DENND5A: variants seen among roughly 807,000 people sequenced by gnomAD.
DENND5A encodes DENN domain containing 5A, also known as DENN domain-containing protein 5A.
Under a neutral mutation model 140.3 loss-of-function variants are expected in DENND5A, and 64 were observed. The observed-to-expected ratio is 0.46, with a 90% CI of 0.37 to 0.56. DENND5A has a LOEUF of 0.56. Ranked by LOEUF, DENND5A falls within the 20% of genes least tolerant of loss-of-function variation. The probability of loss-of-function intolerance (pLI) is 0.00; values close to 1 mark genes in which losing one functional copy is unlikely to be tolerated. For missense variants in DENND5A, 1,292 were observed against 1,593.8 expected (o/e 0.81, Z 3.22); for synonymous variants, 605 against 607.7 (o/e 1.00, Z 0.07).
chr11:9,149,942 T>C, intron 15 of DENND5A, 139 bp downstream of exon 15: 2 of 1,211,520 alleles, frequency 1.7e-6, no homozygotes, highest in Non-Finnish European at 2.2e-6. Flanking sequence ...GAGGAAATAC[T>C]GCAAAACCTT....
intron 15 of DENND5A, among the ~76,000 whole-genome samples, chr11:9,147,595 AGC>A (rs1847476201): frequency 1.3e-5 from 2 of 152,232 alleles, no homozygotes; most frequent in South Asian, 4.1e-4. Flanking sequence ...TAGATCTGAG[AGC>A]CACAAGTCAG....
chr11:9,220,535 G>A (rs891878408), intron 1 of DENND5A, among the ~76,000 whole-genome samples: 2 of 151,636 alleles, frequency 1.3e-5, no homozygotes, highest in Admixed American at 6.6e-5. Flanking sequence ...CAACAAGAGC[G>A]AAACTCTGTC....
At chr11:9,146,751 C>T (rs1564880621) in intron 16 of DENND5A, 2 of 295,654 alleles carry the variant, frequency 6.8e-6, no homozygotes, top group Non-Finnish European at 6.3e-6. Context: ...CTCCACTCCA[C>T]CTTCATCAGC....
At chr11:9,237,258 A>C (rs1471457776) in intron 1 of DENND5A, among the ~76,000 whole-genome samples, 1 of 152,162 alleles carries the variant, frequency 6.6e-6, no homozygotes, top group African/African-American at 2.4e-5. Context: ...CTCTACTAAA[A>C]ATACAAAAAA....
intron 10 of DENND5A, among the ~76,000 whole-genome samples, chr11:9,167,423 C>T (rs1353856966): frequency 6.7e-6 from 1 of 150,122 alleles, no homozygotes; most frequent in Non-Finnish European, 1.5e-5. Flanking sequence ...TTAGATCCTG[C>T]CATGTCCTCT....
At chr11:9,185,819 G>A (rs1303386961) in intron 5 of DENND5A, among the ~76,000 whole-genome samples, 1 of 151,926 alleles carries the variant, frequency 6.6e-6, no homozygotes, top group Non-Finnish European at 1.5e-5. Flanking sequence ...GCCTCTGTGT[G>A]AGCTGTCTGT....
chr11:9,199,718 C>T (rs2136205511), intron 4 of DENND5A, among the ~76,000 whole-genome samples: 1 of 152,288 alleles, frequency 6.6e-6, no homozygotes. Context: ...TGTAACACCT[C>T]TTTTCTATTC....
chr11:9,195,795 T>C (rs1849303289), intron 4 of DENND5A, among the ~76,000 whole-genome samples: 1 of 152,106 alleles, frequency 6.6e-6, no homozygotes. Context: ...TAAATATGTA[T>C]CTATTTGGTC....
intron 8 of DENND5A, chr11:9,171,425 T>C (rs1338020841): frequency 6.6e-6 from 1 of 152,226 alleles, no homozygotes; most frequent in Non-Finnish European, 1.5e-5. Context: ...TAAAGGATGC[T>C]CTGGTCCTGC....
In DENND5A at chr11:9,170,652, G is replaced by A; in HGVS notation, c.2032C>T (p.Leu678Phe). 1 of 1,613,896 alleles carries A rather than the reference G, an allele frequency of 6.2e-7. No individual in the cohort carries two copies. Among genetic ancestry groups the A allele is most frequent in the Non-Finnish European group, 8.5e-7 (1 of 1,180,016 alleles). Residue 678 changes from leucine (L) to phenylalanine (F), a missense_variant, in exon 9 of 23, where the codon CTT becomes TTT. Around this residue, in one of 4 missense-constraint regions of DENND5A, gnomAD observed 199 missense variants for 189.1 expected, o/e 1.05. Transcript: ENST00000328194. ...TTGTTGCTGGCTGGCCCAGTGGAAA[G>A]TACATCAGACTGCAGCTTAGGGAAG... ...GFFPKLQSDV[L>F]STGPASNKWT...
intron 1 of DENND5A, among the ~76,000 whole-genome samples, chr11:9,237,292 C>T (rs376660350): frequency 3.5e-4 from 53 of 152,064 alleles, no homozygotes; most frequent in African/African-American, 1.1e-3. Context: ...TGGTGGCACA[C>T]GCCTGTAATC....
In DENND5A at chr11:9,164,056, GTTTTTTTTT is replaced by G. The variant is rs768604681; in HGVS notation, c.2283+1771_2283+1779del. Reference sequence around the variant, plus strand: ...ATATCAGTACTGATATATTAATCAGGTTTTTTTTTTTTTTTTTTTTTTTTTTTTTTTTTG... The same window carrying G: ...ATATCAGTACTGATATATTAATCAGGTTTTTTTTTTTTTTTTTTTTTTTTG... On this transcript the variant is annotated intron_variant, in intron 11 of 22. Coordinates refer to ENST00000328194, the MANE Select transcript of DENND5A (RefSeq NM_015213.4). Among the ~76,000 whole-genome samples the G allele has an allele frequency of 1.6e-3, 95 of 57,968 alleles. 3 individuals carry two copies. The highest frequency in any genetic ancestry group is 2.2e-3 in the African/African-American group (35 of 15,604). 38.0% of individuals were successfully genotyped at this position (57,968 alleles called of 152,430 possible). A position where few individuals can be genotyped will look rare whatever the true frequency, so the allele number is the denominator to read the frequency against.
intron 4 of DENND5A, among the ~76,000 whole-genome samples, chr11:9,197,230 G>A (rs540459798): frequency 4.6e-5 from 7 of 151,156 alleles, no homozygotes; most frequent in Admixed American, 1.3e-4. Context: ...GTTTGAACCC[G>A]GGAGGCAGAG....
intron 1 of DENND5A, among the ~76,000 whole-genome samples, chr11:9,230,385 T>C (rs1179501056): frequency 6.6e-6 from 1 of 151,492 alleles, no homozygotes; most frequent in Admixed American, 6.6e-5. Context: ...GGACTATAGG[T>C]ATGCTCCACC....
chr11:9,207,747 T>C (rs1415969146), intron 1 of DENND5A, 115 bp from the exon 2 acceptor site: 1 of 706,286 alleles, frequency 1.4e-6, no homozygotes, highest in African/African-American at 1.8e-5. Flanking sequence ...AACACATACA[T>C]GTATGTGTAT....
chr11:9,164,251 C>T (rs114278290), intron 11 of DENND5A, among the ~76,000 whole-genome samples: 6,110 of 116,118 alleles, frequency 0.053, 509 homozygotes, highest in African/African-American at 0.18. Context: ...TGAGGTTTTG[C>T]CATGTTGCTT....
intron 11 of DENND5A, among the ~76,000 whole-genome samples, chr11:9,161,509 C>T (rs1222295723): frequency 6.6e-6 from 1 of 152,238 alleles, no homozygotes; most frequent in Non-Finnish European, 1.5e-5. Flanking sequence ...ATTCCCACTG[C>T]TTAAATGACC....
chr11:9,195,145 C>T (rs1849279772), intron 4 of DENND5A, among the ~76,000 whole-genome samples: 1 of 146,326 alleles, frequency 6.8e-6, no homozygotes, highest in Non-Finnish European at 1.5e-5. Context: ...TGCAATGGCA[C>T]AATCTCAGCT....
Position 9,139,136 on chromosome 11 carries a change from A to G in DENND5A, c.*535T>C, listed in dbSNP as rs1847146465. ...CCTTCCCAAACAATACTGACAAAAA[A>G]GAAAATACGTGGGACTGACTCATCG... On this transcript the variant is annotated 3_prime_UTR_variant, in exon 23 of 23. Coordinates refer to ENST00000328194, the MANE Select transcript of DENND5A (RefSeq NM_015213.4). 6.5e-6 allele frequency: 1 copy of G among 152,776 alleles called. No individual in the cohort carries two copies. Among genetic ancestry groups the G allele is most frequent in the South Asian group, 2.1e-4 (1 of 4,830 alleles). 9.5% of individuals were successfully genotyped at this position (152,776 alleles called of 1,614,324 possible). A position where few individuals can be genotyped will look rare whatever the true frequency, so the allele number is the denominator to read the frequency against.
Sources: allele counts gnomAD v4.1 joint callset (sites outside exome capture counted in the v4.1 genomes callset), GRCh38; gene constraint gnomAD v4.1.1; regional missense constraint gnomAD v4.1.1; transcripts MANE v1.5; gene names NCBI Gene and HGNC (gene_info 2026-07-23, HGNC 2026-07-21).